The following ATP8B1 variants were observed in gnomAD, a reference collection of about 807,000 sequenced individuals.
The protein encoded by ATP8B1 is phospholipid-transporting ATPase IC.
Under a neutral mutation model 149.9 loss-of-function variants are expected in ATP8B1, and 80 were observed. The observed-to-expected ratio is 0.53, with a 90% CI of 0.45 to 0.64. The LOEUF (loss-of-function observed/expected upper bound fraction) is 0.64. Among genes scored for constraint, ATP8B1 ranks in the 30% least tolerant of loss-of-function variants. The pLI, the probability that ATP8B1 is intolerant of heterozygous loss-of-function variation, is 0.00. For synonymous variants in ATP8B1, 536 were observed against 562.8 expected (o/e 0.95, Z 0.67); for missense variants, 1,247 against 1,552.6 (o/e 0.80, Z 3.31).
chr18:57,723,834 A>G (rs1261171480), intron 2 of ATP8B1, among the ~76,000 whole-genome samples: 2 of 149,618 alleles, frequency 1.3e-5, no homozygotes, highest in Admixed American at 1.3e-4. Context: ...GCATCACACT[A>G]CCTGACTTCA....
At chr18:57,725,470 G>T (rs2079697619) in intron 2 of ATP8B1, among the ~76,000 whole-genome samples, 1 of 152,064 alleles carries the variant, frequency 6.6e-6, no homozygotes, top group East Asian at 1.9e-4. Flanking sequence ...GCAATCTACA[G>T]ATTCAATGCA....
intron 11 of ATP8B1, among the ~76,000 whole-genome samples, chr18:57,693,535 C>T (rs1328108455): frequency 6.6e-6 from 1 of 151,972 alleles, no homozygotes; most frequent in Non-Finnish European, 1.5e-5. Context: ...TGGTGAAACC[C>T]CGTCTCTACT....
At chr18:57,732,179 GTGTATATA>G (rs1568044064) in intron 1 of ATP8B1, among the ~76,000 whole-genome samples, 2 of 44,840 alleles carry the variant, frequency 4.5e-5, no homozygotes, top group Non-Finnish European at 9.4e-5. Flanking sequence ...ATGTATATAT[GTGTATATA>G]TGTATATATG....
chr18:57,753,115 G>C (rs1372465880), intron 1 of ATP8B1, among the ~76,000 whole-genome samples: 3 of 151,896 alleles, frequency 2.0e-5, no homozygotes, highest in Non-Finnish European at 4.4e-5. Flanking sequence ...AAAAAACCCC[G>C]ATTAAAGAAA....
chr18:57,695,458 G>A lies in ATP8B1; in HGVS notation c.773C>T (p.Thr258Ile), dbSNP rs1912760889. The A allele has an allele frequency of 1.9e-6, 3 of 1,611,486 alleles. No homozygotes were observed. Among genetic ancestry groups the A allele is most frequent in the Non-Finnish European group, 2.5e-6 (3 of 1,177,684 alleles). ...ACATGTTTGGTACAAACCATCAAAT[G>A]TAGCCAATGTATCTTCTCTTTGGAG... ...QYLQREDTLA[T>I]FDGFIECEEP... is the part of the protein sequence containing the mutation. The change falls in exon 9 of 28, where the codon ACA becomes ATA. Residue 258 changes from threonine (T) to isoleucine (I), a missense_variant. Around this residue, in one of 3 missense-constraint regions of ATP8B1, gnomAD observed 853 missense variants for 1,035.7 expected, o/e 0.82. Transcript: ENST00000648908.
chr18:57,676,728 A>G (rs1911619272), intron 15 of ATP8B1, among the ~76,000 whole-genome samples: 2 of 151,596 alleles, frequency 1.3e-5, no homozygotes, highest in African/African-American at 4.8e-5. Context: ...AAAAAAAAAA[A>G]AAAAAAAAAA....
chr18:57,798,393 T>C (rs1363114095), intron 1 of ATP8B1, among the ~76,000 whole-genome samples: 1 of 145,776 alleles, frequency 6.9e-6, no homozygotes. Context: ...CTGGGCAACA[T>C]AGTGAGACCC....
chr18:57,662,632 T>G lies in ATP8B1; in HGVS notation c.2286-17A>C. ...AGAAGAGAACTAGGGGAAACCAAATTTCAGTGTTTAAAGTGTAAGACCCTA... is the reference window on the plus strand; with the variant it reads ...AGAAGAGAACTAGGGGAAACCAAATGTCAGTGTTTAAAGTGTAAGACCCTA... On this transcript the variant is annotated splice_polypyrimidine_tract_variant and intron_variant, in intron 20 of 27. Transcript: ENST00000648908. The G allele has an allele frequency of 6.2e-7, 1 of 1,614,030 alleles. No homozygotes were observed. The highest frequency in any genetic ancestry group is 8.5e-7 in the Non-Finnish European group (1 of 1,179,912).
intron 20 of ATP8B1, 67 bp downstream of exon 20, chr18:57,667,025 C>A (rs1400586922): frequency 6.4e-6 from 9 of 1,401,944 alleles, no homozygotes; most frequent in Non-Finnish European, 9.1e-6. Context: ...CTGCTATCTT[C>A]TACAGACAGT....
At chr18:57,717,547 C>CAAAAAAAAAAAAAAA (rs1163024544) in intron 2 of ATP8B1, among the ~76,000 whole-genome samples, 1 of 19,928 alleles carries the variant, frequency 5.0e-5, no homozygotes, top group Non-Finnish European at 8.6e-5. Flanking sequence ...GACTCTGTCT[C>CAAAAAAAAAAAAAAA]AAAAAAAAAA....
intron 1 of ATP8B1, among the ~76,000 whole-genome samples, chr18:57,764,757 CAAAAAA>C (rs71171091): frequency 3.2e-4 from 33 of 104,154 alleles, no homozygotes; most frequent in East Asian, 1.7e-3. Flanking sequence ...TTTCAGTTGT[CAAAAAA>C]AAAAAAAAAA....
At chr18:57,698,857 T>C (rs577878349) in intron 6 of ATP8B1, among the ~76,000 whole-genome samples, 5 of 152,356 alleles carry the variant, frequency 3.3e-5, no homozygotes, top group African/African-American at 1.2e-4. Flanking sequence ...TAAAGTGAAT[T>C]TTCCCTTCCC....
At chr18:57,679,756 G>A (rs1006044883) in intron 15 of ATP8B1, among the ~76,000 whole-genome samples, 11 of 152,020 alleles carry the variant, frequency 7.2e-5, no homozygotes, top group Non-Finnish European at 1.2e-4. Flanking sequence ...CCTCCGCCTC[G>A]CGGGTTCAAG....
At position 57,701,427 on chromosome 18, in the gene ATP8B1, A is replaced by C. The variant is rs1247869658; in HGVS notation, c.394-114T>G. 7 of 907,406 alleles carry C rather than the reference A, an allele frequency of 7.7e-6. No individual in the cohort carries two copies. In the Admixed American group the frequency reaches 9.9e-5, roughly 13 times the overall value. 56.2% of individuals were successfully genotyped at this position (907,406 alleles called of 1,614,324 possible). ...CAAGTCTCATCACCGTCATCACATA[A>C]GTCTACATCCTGCAGAGTATATAGG... On this transcript the variant is annotated intron_variant, in intron 4 of 27. Transcript: ENST00000648908.
intron 2 of ATP8B1, among the ~76,000 whole-genome samples, chr18:57,727,539 C>T (rs1393871154): frequency 6.6e-6 from 1 of 152,134 alleles, no homozygotes; most frequent in Non-Finnish European, 1.5e-5. Flanking sequence ...GCCTATAATC[C>T]CAGCACTTTG....
At chr18:57,782,665 C>T (rs1221605490) in intron 1 of ATP8B1, among the ~76,000 whole-genome samples, 2 of 152,142 alleles carry the variant, frequency 1.3e-5, no homozygotes, top group Non-Finnish European at 2.9e-5. Flanking sequence ...CTTCAGTCAC[C>T]TCTGGTTTAT....
At chr18:57,652,460 AT>A (rs761245441) in intron 25 of ATP8B1, 23 bp downstream of exon 25, 2 of 1,614,030 alleles carry the variant, frequency 1.2e-6, no homozygotes, top group African/African-American at 2.7e-5. Context: ...TAGACACTGA[AT>A]ACGGCCAATG....
intron 10 of ATP8B1, among the ~76,000 whole-genome samples, 166 bp from the exon 11 acceptor site, chr18:57,694,836 C>T (rs1358979704): frequency 1.3e-5 from 2 of 151,978 alleles, no homozygotes; most frequent in Admixed American, 1.3e-4. Context: ...TCGAGGCCAG[C>T]CTGGCCAACA....
intron 15 of ATP8B1, among the ~76,000 whole-genome samples, chr18:57,683,081 G>A (rs1020010996): frequency 6.6e-5 from 10 of 152,098 alleles, no homozygotes; most frequent in Non-Finnish European, 7.4e-5. Context: ...CATTCACCTC[G>A]ACCTTCCAAA....
Sources: allele counts gnomAD v4.1 joint callset (sites outside exome capture counted in the v4.1 genomes callset), GRCh38; gene constraint gnomAD v4.1.1; regional missense constraint gnomAD v4.1.1; transcripts MANE v1.5; gene names NCBI Gene and HGNC (gene_info 2026-07-23, HGNC 2026-07-21).